MATN3: variants seen among roughly 807,000 people sequenced by gnomAD.
MATN3 encodes matrilin 3, also known as matrilin-3.
In MATN3, 48 loss-of-function variants were observed where a neutral mutation model predicts 45.3. That is an observed-to-expected ratio of 1.06 (90% CI 0.84 to 1.35). MATN3 has a LOEUF of 1.35. Ranked by LOEUF, MATN3 falls within the 40% of genes most tolerant of loss-of-function variation. The pLI is 0.00. For synonymous variants in MATN3, 217 were observed against 245.9 expected (o/e 0.88, Z 1.10); for missense variants, 599 against 628.0 (o/e 0.95, Z 0.49).
At chr2:20,000,699 G>T in intron 4 of MATN3, 133 bp from the exon 5 acceptor site, 1 of 814,218 alleles carries the variant, frequency 1.2e-6, no homozygotes. Context: ...CATTGGCACT[G>T]TTTTTTTCTA....
intron 4 of MATN3, 117 bp downstream of exon 4, chr2:20,001,834 AGCTC>A (rs1301740249): frequency 4.4e-6 from 4 of 910,632 alleles, no homozygotes; most frequent in Non-Finnish European, 6.7e-6. Flanking sequence ...AAATGGGAAA[AGCTC>A]AAGGTGGCAA....
At chr2:20,006,524 C>G (rs1242466896) in intron 1 of MATN3, among the ~76,000 whole-genome samples, 5 of 152,144 alleles carry the variant, frequency 3.3e-5, no homozygotes, top group Non-Finnish European at 5.9e-5. Context: ...GTGAAGTTTC[C>G]CCAAATACCT....
intron 5 of MATN3, 125 bp downstream of exon 5, chr2:20,000,315 TA>T: frequency 1.2e-6 from 1 of 807,354 alleles, no homozygotes; most frequent in Non-Finnish European, 1.9e-6. Flanking sequence ...TGCCTTCATC[TA>T]AAAGTGTGAT....
intron 1 of MATN3, among the ~76,000 whole-genome samples, chr2:20,010,089 A>AAAAAAAAC (rs1241060286): frequency 6.9e-6 from 1 of 144,322 alleles, no homozygotes; most frequent in Non-Finnish European, 1.5e-5. Flanking sequence ...AAAAAAAAAA[A>AAAAAAAAC]ACCTCCAGAA....
rs970408805 is a variant in MATN3, at chr2:19,995,179, G to A, written c.1295-770C>T. Among the ~76,000 whole-genome samples, 9 of 152,264 alleles carry A rather than the reference G, an allele frequency of 5.9e-5. No individual in the cohort carries two copies. Among genetic ancestry groups the A allele is most frequent in the Middle Eastern group, 3.4e-3 (1 of 294 alleles). On this transcript the variant is annotated intron_variant, in intron 6 of 7. Transcript: ENST00000407540. The surrounding 1 kb of genome is among the most constrained non-coding windows in gnomAD (Gnocchi z 4.2). ...CCAAAGATGAAAACTAGGGCCAGGC[G>A]CAGTGGCTCACACCTGTAATCCCAG... is the stretch of plus-strand genomic sequence containing the variant.
At position 19,993,032 on chromosome 2, in the gene MATN3, A is replaced by C. The variant is rs1028861711; in HGVS notation, c.*79T>G. On this transcript the variant is annotated 3_prime_UTR_variant, in exon 8 of 8. Coordinates refer to ENST00000407540, the MANE Select transcript of MATN3 (RefSeq NM_002381.5). Reference sequence around the variant, plus strand: ...GCAAATTATTAGCAGGAACATTGGCAATAACAGGTGTGCAAAAGAATGCAT... The same window carrying C: ...GCAAATTATTAGCAGGAACATTGGCCATAACAGGTGTGCAAAAGAATGCAT... 6 of 1,088,954 alleles carry C rather than the reference A, an allele frequency of 5.5e-6. No individual in the cohort carries two copies. Among genetic ancestry groups the C allele is most frequent in the Non-Finnish European group, 8.5e-6 (6 of 707,500 alleles). 67.5% of individuals were successfully genotyped at this position (1,088,954 alleles called of 1,614,324 possible).
rs1191258310 is a variant in MATN3 at position 19,992,714 on chromosome 2, A to C, written c.*397T>G. On this transcript the variant is annotated 3_prime_UTR_variant, in exon 8 of 8. Transcript: ENST00000407540. ...TGTACAATTTGCACTCTCAGTAATA[A>C]GATTGATTTATATTATAAATACTAT... 1.1e-5 allele frequency: 2 copies of C among 185,804 alleles called. No individual in the cohort carries two copies. The highest frequency in any genetic ancestry group is 2.2e-5 in the Non-Finnish European group (2 of 91,074). 11.5% of individuals were successfully genotyped at this position (185,804 alleles called of 1,614,324 possible).
intron 5 of MATN3, among the ~76,000 whole-genome samples, chr2:19,999,971 A>G (rs1672953815): frequency 6.6e-6 from 1 of 152,210 alleles, no homozygotes; most frequent in African/African-American, 2.4e-5. Context: ...TTACTGGAAG[A>G]TCTGTGTGGG....
At chr2:20,006,471 A>G (rs1414459233) in intron 1 of MATN3, among the ~76,000 whole-genome samples, 161 bp from the exon 2 acceptor site, 1 of 152,170 alleles carries the variant, frequency 6.6e-6, no homozygotes, top group Middle Eastern at 3.2e-3. Flanking sequence ...TGTTGAAAGC[A>G]CCAAGGACTT....
intron 1 of MATN3, among the ~76,000 whole-genome samples, chr2:20,008,390 T>A (rs1289546323): frequency 6.6e-6 from 1 of 152,152 alleles, no homozygotes; most frequent in Non-Finnish European, 1.5e-5. Flanking sequence ...GAGGCAGAAG[T>A]TGATGCTACT....
intron 5 of MATN3, 124 bp from the exon 6 acceptor site, chr2:19,997,383 C>G (rs981449891): frequency 2.8e-5 from 27 of 954,050 alleles, no homozygotes; most frequent in Non-Finnish European, 4.0e-5. Flanking sequence ...AGTCAGTAGT[C>G]AGCAACAGGC....
intron 1 of MATN3, among the ~76,000 whole-genome samples, chr2:20,007,865 C>A (rs1031677172): frequency 6.6e-6 from 1 of 152,242 alleles, no homozygotes; most frequent in African/African-American, 2.4e-5. Flanking sequence ...CCTGTTCTTT[C>A]CTGTTTCCCC....
At chr2:20,009,620 C>T (rs926728051) in intron 1 of MATN3, among the ~76,000 whole-genome samples, 1 of 152,112 alleles carries the variant, frequency 6.6e-6, no homozygotes, top group African/African-American at 2.4e-5. Context: ...ACATTCTGCA[C>T]ATGTATCCCA....
At chr2:20,011,335 C>A (rs1386911328) in intron 1 of MATN3, among the ~76,000 whole-genome samples, 1 of 152,248 alleles carries the variant, frequency 6.6e-6, no homozygotes, top group Non-Finnish European at 1.5e-5. Context: ...CCTGGAGCAA[C>A]CAGCCACCAG....
rs938965310 is a variant in MATN3, at chr2:20,012,138, C to A, written c.223+271G>T. Among the ~76,000 whole-genome samples, 1 of 152,158 alleles carries A rather than the reference C, an allele frequency of 6.6e-6. No individual in the cohort carries two copies. Among genetic ancestry groups the A allele is most frequent in the Non-Finnish European group, 1.5e-5 (1 of 68,016 alleles). ...TTAGCAGCAGCCGCTGGGCAGCAGC[C>A]CCTGCGCTCCCCAGCTGCCCTGTGC... On this transcript the variant is annotated intron_variant, in intron 1 of 7. Transcript: ENST00000407540. The surrounding 1 kb of genome is among the most constrained non-coding windows in gnomAD (Gnocchi z 4.3).
At chr2:19,993,966 T>C (rs1025089785) in intron 7 of MATN3, among the ~76,000 whole-genome samples, 4 of 152,216 alleles carry the variant, frequency 2.6e-5, no homozygotes, top group Non-Finnish European at 4.4e-5. Flanking sequence ...GCTTTGTACA[T>C]GTTCAGATTC....
chr2:20,000,988 G>A (rs886363499), intron 4 of MATN3, among the ~76,000 whole-genome samples: 4 of 152,116 alleles, frequency 2.6e-5, no homozygotes, highest in East Asian at 1.9e-4. Context: ...GGAAAGGAGC[G>A]CGAGGGAGAC....
At chr2:20,005,289 C>T (rs67915887) in intron 2 of MATN3, among the ~76,000 whole-genome samples, 28,057 of 152,002 alleles carry the variant, frequency 0.18, 2,941 homozygotes, top group Non-Finnish European at 0.22. Context: ...CAAGGACAGA[C>T]GCTTCTCCCT....
intron 6 of MATN3, among the ~76,000 whole-genome samples, 155 bp from the exon 7 acceptor site, chr2:19,994,564 C>A (rs368850881): frequency 2.0e-5 from 3 of 152,114 alleles, no homozygotes; most frequent in Non-Finnish European, 4.4e-5. Context: ...AACAAAAAGA[C>A]GAGAAAATAC....
Sources: allele counts gnomAD v4.1 joint callset (sites outside exome capture counted in the v4.1 genomes callset), GRCh38; gene constraint gnomAD v4.1.1; non-coding constraint Gnocchi (gnomAD v3.1); transcripts MANE v1.5; gene names NCBI Gene and HGNC (gene_info 2026-07-23, HGNC 2026-07-21).